Variants in ADGRL3 observed in about 807,000 individuals in gnomAD.
The protein encoded by ADGRL3 is adhesion G protein-coupled receptor L3.
In ADGRL3, 62 loss-of-function variants were observed where a neutral mutation model predicts 153.5. The ratio of observed to expected loss-of-function variants is 0.40; its 90% CI spans 0.33 to 0.50. ADGRL3 has a LOEUF of 0.50. ADGRL3 is among the 20% of genes least tolerant of loss of function. The probability of loss-of-function intolerance (pLI) is 0.47; values close to 1 mark genes in which losing one functional copy is unlikely to be tolerated. For missense variants in ADGRL3, 1,641 were observed against 1,859.4 expected, an observed-to-expected ratio of 0.88 and a Z score of 2.16; for synonymous variants, 710 against 672.5, an observed-to-expected ratio of 1.06 and a Z score of -0.86.
At chr4:61,566,745 A>ATAGATT (rs1193975372) in intron 4 of ADGRL3, among the ~76,000 whole-genome samples, 3 of 152,132 alleles carry the variant, frequency 2.0e-5, no homozygotes, top group African/African-American at 7.2e-5. Context: ...TTTTTGAATA[A>ATAGATT]TAGATTTAGT....
chr4:61,690,780 G>A (rs1408227161), intron 6 of ADGRL3, among the ~76,000 whole-genome samples: 1 of 152,040 alleles, frequency 6.6e-6, no homozygotes, highest in Non-Finnish European at 1.5e-5. Context: ...GTGTATCAGA[G>A]TCTAATAGAA....
Position 62,003,706 on chromosome 4 carries a change from T to C in ADGRL3, c.3395+5441T>C, listed in dbSNP as rs141044579. Among the ~76,000 whole-genome samples, 461 of 152,294 alleles carry C rather than the reference T, an allele frequency of 3.0e-3. 3 individuals carry two copies. Among genetic ancestry groups the C allele is most frequent in the African/African-American group, 0.01 (430 of 41,588 alleles). On this transcript the variant is annotated intron_variant, in intron 21 of 26. Coordinates refer to ENST00000683033, the MANE Select transcript of ADGRL3 (RefSeq NM_001387552.1). ...ATGGTGAAGCTTTGCTCAGCCTCTA[T>C]CAAAATCCCATTAGAATTTGACTGG...
intron 4 of ADGRL3, among the ~76,000 whole-genome samples, chr4:61,524,101 T>A (rs2098546396): frequency 6.6e-6 from 1 of 152,106 alleles, no homozygotes; most frequent in African/African-American, 2.4e-5. Flanking sequence ...AATAAGTCAA[T>A]TACTAGGAAA....
At chr4:61,281,838 T>C (rs904924236) in intron 1 of ADGRL3, among the ~76,000 whole-genome samples, 2 of 152,168 alleles carry the variant, frequency 1.3e-5, no homozygotes, top group African/African-American at 4.8e-5. Flanking sequence ...GGAAGTATTA[T>C]ATTTAAAAAT....
At chr4:61,710,981 A>G (rs918308365) in intron 6 of ADGRL3, among the ~76,000 whole-genome samples, 4 of 152,188 alleles carry the variant, frequency 2.6e-5, no homozygotes, top group African/African-American at 9.7e-5. Context: ...CAGCTGTATT[A>G]ATAAATTTTC....
At chr4:62,044,898 G>A (rs1032684271) in intron 25 of ADGRL3, among the ~76,000 whole-genome samples, 11 of 152,016 alleles carry the variant, frequency 7.2e-5, no homozygotes, top group African/African-American at 2.7e-4. Flanking sequence ...GTTCCACATT[G>A]TCTTAGATAT....
chr4:61,691,950 G>A (rs1325394955), intron 6 of ADGRL3, among the ~76,000 whole-genome samples: 1 of 152,032 alleles, frequency 6.6e-6, no homozygotes, highest in Non-Finnish European at 1.5e-5. Flanking sequence ...TTTTCTGATT[G>A]GAGTGGAAGC....
intron 8 of ADGRL3, among the ~76,000 whole-genome samples, chr4:61,759,624 C>G (rs922587843): frequency 2.6e-5 from 4 of 151,672 alleles, no homozygotes; most frequent in Admixed American, 2.6e-4. Context: ...CAACTTCCTC[C>G]TTTAGCTCAG....
chr4:61,351,994 G>A (rs1401748237), intron 1 of ADGRL3, among the ~76,000 whole-genome samples: 6 of 152,108 alleles, frequency 3.9e-5, no homozygotes, highest in Non-Finnish European at 5.9e-5. Flanking sequence ...TTCCTCTGAT[G>A]GATTCAGGCA....
chr4:61,981,623 A>G lies in ADGRL3; in HGVS notation c.3016-1760A>G, dbSNP rs930729024. Among the ~76,000 whole-genome samples, 5 of 152,192 alleles carry G rather than the reference A, an allele frequency of 3.3e-5. No homozygotes were observed. In the South Asian group the frequency reaches 8.3e-4, roughly 25 times the overall value. On this transcript the variant is annotated intron_variant, in intron 18 of 26. Transcript: ENST00000683033. ...AATAGACAATATCTTCATATATTAC[A>G]CAAACTTTATGCCCACTTATAATTT...
intron 2 of ADGRL3, among the ~76,000 whole-genome samples, chr4:61,392,699 A>AAAAAAAAAAAAAAAAAAAAC: frequency 6.8e-6 from 1 of 146,260 alleles, no homozygotes; most frequent in Non-Finnish European, 1.5e-5. Flanking sequence ...AAAAAAAAAA[A>AAAAAAAAAAAAAAAAAAAAC]AAAAAAAGAA....
In ADGRL3 at chr4:61,490,857, T is replaced by C. The variant is rs566715316; in HGVS notation, c.-173-6264T>C. Among the ~76,000 whole-genome samples, 8 of 152,178 alleles carry C rather than the reference T, an allele frequency of 5.3e-5. No individual in the cohort carries two copies. In the East Asian group the frequency reaches 5.8e-4, roughly 11 times the overall value. ...AGTGTATTCACATGCACTCTGTAAA[T>C]TGAGAAACAATACATGTAATTTTTC... On this transcript the variant is annotated intron_variant, in intron 2 of 26. Transcript: ENST00000683033.
At chr4:61,495,588 G>T (rs2098306359) in intron 2 of ADGRL3, among the ~76,000 whole-genome samples, 1 of 152,046 alleles carries the variant, frequency 6.6e-6, no homozygotes, top group African/African-American at 2.4e-5. Context: ...AGTTTGAAAG[G>T]TGCTGATTGT....
intron 1 of ADGRL3, among the ~76,000 whole-genome samples, chr4:61,272,448 G>A (rs1056708613): frequency 1.3e-5 from 2 of 151,966 alleles, no homozygotes; most frequent in African/African-American, 2.4e-5. Flanking sequence ...TAAATCTAAT[G>A]TCTATATCTG....
At chr4:61,746,631 C>T (rs1306886490) in intron 8 of ADGRL3, among the ~76,000 whole-genome samples, 1 of 152,116 alleles carries the variant, frequency 6.6e-6, no homozygotes, top group Non-Finnish European at 1.5e-5. Context: ...GAAATGAAGG[C>T]AGAAATAAAG....
At chr4:61,281,305 T>G (rs186730957) in intron 1 of ADGRL3, among the ~76,000 whole-genome samples, 4 of 152,300 alleles carry the variant, frequency 2.6e-5, no homozygotes, top group Admixed American at 2.0e-4. Context: ...ATTGCTGCTA[T>G]TATTTTTTAA....
intron 16 of ADGRL3, among the ~76,000 whole-genome samples, 162 bp from the exon 17 acceptor site, chr4:61,947,938 A>G (rs924843285): frequency 2.6e-5 from 4 of 152,212 alleles, no homozygotes; most frequent in Admixed American, 1.3e-4. Flanking sequence ...CATATATTCA[A>G]TTTCACTTAG....
intron 21 of ADGRL3, among the ~76,000 whole-genome samples, chr4:62,014,362 T>C (rs1378759729): frequency 6.6e-6 from 1 of 152,160 alleles, no homozygotes; most frequent in Non-Finnish European, 1.5e-5. Flanking sequence ...AGGGAATTTG[T>C]TGAGTTTGGA....
At chr4:61,311,611 C>CT (rs1221450488) in intron 1 of ADGRL3, among the ~76,000 whole-genome samples, 2 of 152,124 alleles carry the variant, frequency 1.3e-5, no homozygotes, top group Admixed American at 6.6e-5. Flanking sequence ...CCTTATGTGT[C>CT]TTAGTGTTCA....
Sources: gnomAD v4.1 joint callset for allele counts (sites outside exome capture counted in the v4.1 genomes callset) on GRCh38, gnomAD v4.1.1 for gene constraint, MANE v1.5 for transcripts, NCBI Gene and HGNC (gene_info 2026-07-23, HGNC 2026-07-21) for gene names.